TENM3: variants seen among roughly 807,000 people sequenced by gnomAD.
TENM3 encodes the protein teneurin transmembrane protein 3.
Under a neutral mutation model 255.1 loss-of-function variants are expected in TENM3, and 63 were observed. The ratio of observed to expected loss-of-function variants is 0.25; its 90% CI spans 0.20 to 0.30. The LOEUF is 0.30. Among genes scored for constraint, TENM3 ranks in the 10% least tolerant of loss-of-function variants. The pLI is 1.00. For synonymous variants in TENM3, 1,306 were observed against 1,322.3 expected (o/e 0.99, Z 0.27); for missense variants, 2,929 against 3,461.1 (o/e 0.85, Z 3.86).
intron 3 of TENM3, among the ~76,000 whole-genome samples, chr4:182,431,630 A>G (rs1457053061): frequency 6.6e-6 from 1 of 152,180 alleles, no homozygotes; most frequent in Non-Finnish European, 1.5e-5. Context: ...GGTTAACTAG[A>G]TGGAGAGCTA....
the TENM3 span, among the ~76,000 whole-genome samples, chr4:181,635,189 T>C: frequency 6.6e-6 from 1 of 152,224 alleles, no homozygotes; most frequent in African/African-American, 2.4e-5. Context: ...AACGAGAAAG[T>C]TGAAAAATGA....
At chr4:182,326,831 C>T (rs982198992) in intron 2 of TENM3, among the ~76,000 whole-genome samples, 8 of 152,176 alleles carry the variant, frequency 5.3e-5, no homozygotes, top group East Asian at 1.9e-4. Context: ...GCCTGAGCCA[C>T]CACGCCCAGC....
chr4:181,466,452 A>G, the TENM3 span, among the ~76,000 whole-genome samples: 19 of 152,206 alleles, frequency 1.2e-4, no homozygotes, highest in East Asian at 3.5e-3. Context: ...AGGAAACTAT[A>G]TGCCACAGTG....
intron 3 of TENM3, among the ~76,000 whole-genome samples, chr4:182,417,306 A>G (rs1466896081): frequency 6.6e-6 from 1 of 152,038 alleles, no homozygotes; most frequent in Non-Finnish European, 1.5e-5. Context: ...CAGATGGAAA[A>G]CAATAATAGC....
At chr4:181,511,126 C>T in the TENM3 span, among the ~76,000 whole-genome samples, 1 of 152,056 alleles carries the variant, frequency 6.6e-6, no homozygotes, top group Non-Finnish European at 1.5e-5. Flanking sequence ...CAGAGGAAGC[C>T]CTCATTCTAG....
At chr4:181,914,266 C>A in the TENM3 span, among the ~76,000 whole-genome samples, 1 of 152,160 alleles carries the variant, frequency 6.6e-6, no homozygotes, top group Non-Finnish European at 1.5e-5. Context: ...TTTTTAATAC[C>A]TTTTGCCTTT....
chr4:181,470,706 G>A, the TENM3 span, among the ~76,000 whole-genome samples: 1 of 152,118 alleles, frequency 6.6e-6, no homozygotes, highest in East Asian at 1.9e-4. Context: ...CAACCCTTTA[G>A]TAATATGGTT....
At chr4:182,600,868 C>CATACAT (rs1747757770) in intron 3 of TENM3, 56 bp from the exon 4 acceptor site, 5 of 628,844 alleles carry the variant, frequency 8.0e-6, no homozygotes, top group South Asian at 7.1e-5. Flanking sequence ...TGTGTATATA[C>CATACAT]ATATATATAT....
chr4:182,108,525 T>A, the TENM3 span, among the ~76,000 whole-genome samples: 1 of 152,094 alleles, frequency 6.6e-6, no homozygotes, highest in African/African-American at 2.4e-5. Flanking sequence ...AAAAATGCGT[T>A]AAGCATCTAC....
At chr4:182,481,494 A>G (rs1734200513) in intron 3 of TENM3, among the ~76,000 whole-genome samples, 1 of 152,024 alleles carries the variant, frequency 6.6e-6, no homozygotes, top group Non-Finnish European at 1.5e-5. Flanking sequence ...TTATTTTTCT[A>G]CTTTAAAATA....
chr4:181,673,160 A>G, the TENM3 span, among the ~76,000 whole-genome samples: 2 of 152,198 alleles, frequency 1.3e-5, no homozygotes, highest in South Asian at 2.1e-4. Context: ...CAGGTTCATG[A>G]AATTCCCTGT....
At chr4:182,463,288 G>A (rs899482247) in intron 3 of TENM3, among the ~76,000 whole-genome samples, 1 of 151,988 alleles carries the variant, frequency 6.6e-6, no homozygotes, top group Non-Finnish European at 1.5e-5. Flanking sequence ...GTTTGATTCT[G>A]TGAGATCACC....
chr4:181,472,549 G>C, the TENM3 span, among the ~76,000 whole-genome samples: 1 of 152,074 alleles, frequency 6.6e-6, no homozygotes, highest in Non-Finnish European at 1.5e-5. Flanking sequence ...TGAGCACAGG[G>C]GAGGTGACTT....
At chr4:182,153,743 G>A (rs1750504330) in intron 1 of TENM3, among the ~76,000 whole-genome samples, 1 of 152,098 alleles carries the variant, frequency 6.6e-6, no homozygotes, top group African/African-American at 2.4e-5. Context: ...TACTTCAGAT[G>A]GGAATCTTAA....
At chr4:181,751,043 C>T in the TENM3 span, among the ~76,000 whole-genome samples, 1 of 152,280 alleles carries the variant, frequency 6.6e-6, no homozygotes, top group South Asian at 2.1e-4. Flanking sequence ...CAGCTGGCTG[C>T]TTGTTCAAAC....
rs758562044 is a variant in TENM3 at position 182,754,373 on chromosome 4, T to G, written c.4018-12T>G. ...GTAACTTACTAACCAGGCCATTTCT[T>G]TTTTTATTAAGGTACGTCTGGAATG... On this transcript the variant is annotated splice_polypyrimidine_tract_variant and intron_variant, in intron 21 of 27. Coordinates refer to ENST00000511685, the MANE Select transcript of TENM3 (RefSeq NM_001080477.4). This position sits in a 1 kb window ranked among gnomAD's most constrained non-coding sequence, Gnocchi z 5.1. 8 of 1,570,984 alleles carry G rather than the reference T, an allele frequency of 5.1e-6. No homozygotes were observed. In the South Asian group the frequency reaches 8.3e-5, roughly 16 times the overall value.
At chr4:181,860,487 G>C in the TENM3 span, among the ~76,000 whole-genome samples, 1 of 152,138 alleles carries the variant, frequency 6.6e-6, no homozygotes, top group African/African-American at 2.4e-5. Context: ...CAATGCCATA[G>C]ACAATACAAC....
the TENM3 span, among the ~76,000 whole-genome samples, chr4:181,706,146 G>C: frequency 6.6e-6 from 1 of 152,094 alleles, no homozygotes. Flanking sequence ...CCTTGGCTTA[G>C]AGATGCTGTT....
chr4:181,696,279 G>A, the TENM3 span, among the ~76,000 whole-genome samples: 1 of 152,102 alleles, frequency 6.6e-6, no homozygotes, highest in Non-Finnish European at 1.5e-5. Flanking sequence ...ACACAGCAGA[G>A]AGAAGGCAAC....
Sources: allele counts gnomAD v4.1 joint callset (sites outside exome capture counted in the v4.1 genomes callset), GRCh38; gene constraint gnomAD v4.1.1; non-coding constraint Gnocchi (gnomAD v3.1); transcripts MANE v1.5; gene names NCBI Gene and HGNC (gene_info 2026-07-23, HGNC 2026-07-21).